LOXHD1: variants seen among roughly 807,000 people sequenced by gnomAD.
LOXHD1 encodes the protein lipoxygenase homology PLAT domains 1.
A neutral mutation model predicts 248.2 loss-of-function variants in LOXHD1; 205 were observed. The observed-to-expected ratio is 0.83, with a 90% CI of 0.74 to 0.93. The LOEUF is 0.93. LOXHD1 is among the 40% of genes least tolerant of loss of function. The pLI, the probability that LOXHD1 is intolerant of heterozygous loss-of-function variation, is 0.00. For synonymous variants in LOXHD1, 1,113 were observed against 1,162.8 expected (o/e 0.96, Z 0.87); for missense variants, 2,930 against 2,971.6 (o/e 0.99, Z 0.33).
Position 46,485,102 on chromosome 18 carries a change from G to C in LOXHD1, c.6099C>G (p.Asn2033Lys). Residue 2033 changes from asparagine to lysine, a missense_variant, in exon 39 of 41, where the codon AAC becomes AAG. By Grantham distance (94) the Asn-to-Lys change is moderately conservative (BLOSUM62 0). Transcript: ENST00000642948. ...TCCTGCCCTCCAGGATGAGCCAGAC[G>C]TTCTCCCTGGTTTCGCCTCCGTTGC... ...ETGNGGETRE[N>K]VWLILEGRKN... 6.5e-7 allele frequency: 1 copy of C among 1,549,772 alleles called. No homozygotes were observed. The highest frequency in any genetic ancestry group is 8.7e-7 in the Non-Finnish European group (1 of 1,146,572).
chr18:46,585,134 A>G lies in LOXHD1; in HGVS notation c.1655-5350T>C, dbSNP rs140404037. On this transcript the variant is annotated intron_variant, in intron 12 of 40. Transcript: ENST00000642948. The stretch of plus-strand genomic sequence containing the variant: ...CATAGTTAATCATGAAAGACTGGAC[A>G]GGACACTTTCCCCTTAAGATCAGAA... Among the ~76,000 whole-genome samples the G allele has an allele frequency of 2.6e-3, 397 of 152,324 alleles. 4 individuals are homozygous for G. Among genetic ancestry groups the G allele is most frequent in the African/African-American group, 8.8e-3 (366 of 41,592 alleles).
chr18:46,507,650 G>A lies in LOXHD1; in HGVS notation c.5580C>T (p.Ser1860=), dbSNP rs2034662560. The A allele has an allele frequency of 6.4e-7, 1 of 1,551,586 alleles. No individual in the cohort carries two copies. Among genetic ancestry groups the A allele is most frequent in the African/African-American group, 1.4e-5 (1 of 73,044 alleles). Residue 1860 remains serine (S), a synonymous_variant, in exon 36 of 41, where the codon TCC becomes TCT. Coordinates refer to ENST00000642948, the MANE Select transcript of LOXHD1 (RefSeq NM_001384474.1). The part of the protein sequence containing the change: ...LTMFYYGDWL[S]QRKGKKTLVC... ...CCAGGGTCTTCTTGCCCTTCCGCTG[G>A]GACAGCCAGTCTCCATAGTAGAACA...
rs142499426 is a variant in LOXHD1 at position 46,518,561 on chromosome 18, C to T, written c.5272-305G>A. 3.3e-5 allele frequency among the ~76,000 whole-genome samples: 5 copies of T among 152,346 alleles called. No homozygotes were observed. The East Asian group carries it at 9.6e-4, about 29-fold the overall frequency. On this transcript the variant is annotated intron_variant, in intron 33 of 40. Transcript: ENST00000642948. ...GAATTCCAACCTAAGTCCAGGCATG[C>T]CAGCAGCGCATGGTGGCAGGACAGT...
intron 19 of LOXHD1, 35 bp downstream of exon 19, chr18:46,560,048 T>TCCCGGGCC: frequency 2.4e-6 from 3 of 1,226,298 alleles, no homozygotes; most frequent in Non-Finnish European, 3.4e-6. Flanking sequence ...GTCTGGCCAC[T>TCCCGGGCC]CCCTCCCCAC....
At chr18:46,560,002 GC>G (rs1332596609) in intron 19 of LOXHD1, 80 bp downstream of exon 19, 4 of 1,449,010 alleles carry the variant, frequency 2.8e-6, no homozygotes, top group Non-Finnish European at 3.7e-6. Flanking sequence ...GGGGATCTAG[GC>G]CCCCTGCCCC....
At chr18:46,641,898 A>C in intron 3 of LOXHD1, 58 bp downstream of exon 3, 1 of 1,470,966 alleles carries the variant, frequency 6.8e-7, no homozygotes, top group East Asian at 2.5e-5. Context: ...GTCAATATTG[A>C]AGTCAATCCC....
intron 6 of LOXHD1, 118 bp from the exon 7 acceptor site, chr18:46,604,347 C>T (rs989389096): frequency 1.7e-5 from 23 of 1,369,076 alleles, no homozygotes; most frequent in Admixed American, 1.3e-4. Context: ...ATATCTGTTT[C>T]GTGGCCCAAG....
chr18:46,496,623 G>T (rs1023717966), intron 37 of LOXHD1, among the ~76,000 whole-genome samples: 4 of 152,202 alleles, frequency 2.6e-5, no homozygotes, highest in Non-Finnish European at 5.9e-5. Flanking sequence ...GGAGGAGAAA[G>T]TTACCATTAA....
chr18:46,537,653 C>T (rs1278037254), intron 26 of LOXHD1, among the ~76,000 whole-genome samples: 1 of 152,206 alleles, frequency 6.6e-6, no homozygotes. Flanking sequence ...AACAACAGCA[C>T]CTCCATTGTC....
In LOXHD1 at chr18:46,521,153, T is replaced by C; in HGVS notation, c.5215A>G (p.Ile1739Val). Residue 1739 changes from isoleucine to valine, a missense_variant, in exon 33 of 41, where the codon ATC becomes GTC. Transcript: ENST00000642948. ...CWLAKDRGDG[I>V]TSRVFDLLDA... The stretch of plus-strand genomic sequence containing the variant: ...AAGAGGTCGAAGACACGGGAGGTGA[T>C]GCCGTCGCCTCTGTCCTTGGCCAGC... 1.3e-6 allele frequency: 2 copies of C among 1,551,734 alleles called. No individual in the cohort carries two copies. The highest frequency in any genetic ancestry group is 1.7e-6 in the Non-Finnish European group (2 of 1,146,996).
At chr18:46,618,989 C>T (rs2038629561) in intron 4 of LOXHD1, among the ~76,000 whole-genome samples, 1 of 152,140 alleles carries the variant, frequency 6.6e-6, no homozygotes, top group African/African-American at 2.4e-5. Context: ...TCAGCCATGG[C>T]CTTGATGGGA....
intron 8 of LOXHD1, among the ~76,000 whole-genome samples, chr18:46,596,221 TC>T (rs11364411): frequency 0.76 from 115,962 of 151,958 alleles, 45,404 homozygotes; most frequent in Non-Finnish European, 0.86. Flanking sequence ...GACTAGGTAG[TC>T]CAGAACTAGG....
intron 37 of LOXHD1, among the ~76,000 whole-genome samples, chr18:46,491,373 T>C (rs2033461676): frequency 6.6e-6 from 1 of 152,248 alleles, no homozygotes; most frequent in Non-Finnish European, 1.5e-5. Context: ...TGAGCCCTAC[T>C]GCCAGAGTTT....
At chr18:46,634,513 C>A (rs1324135631) in intron 4 of LOXHD1, among the ~76,000 whole-genome samples, 1 of 152,180 alleles carries the variant, frequency 6.6e-6, no homozygotes, top group African/African-American at 2.4e-5. Flanking sequence ...GCTTCCAGCA[C>A]AGTATTTTCA....
At chr18:46,503,012 T>G (rs1202836094) in intron 37 of LOXHD1, among the ~76,000 whole-genome samples, 4 of 152,214 alleles carry the variant, frequency 2.6e-5, no homozygotes, top group Non-Finnish European at 5.9e-5. Flanking sequence ...CTGGTATTTC[T>G]CAGCTCTCTG....
In LOXHD1 at chr18:46,509,707, G is replaced by C; in HGVS notation, c.5508C>G (p.Phe1836Leu). 6.4e-7 allele frequency: 1 copy of C among 1,551,110 alleles called. No homozygotes were observed. The highest frequency in any genetic ancestry group is 1.2e-5 in the South Asian group (1 of 84,056). Residue 1836 changes from phenylalanine to leucine, a missense_variant, in exon 35 of 41, where the codon TTC becomes TTG. Physicochemically the swap from Phe to Leu is conservative, Grantham distance 22 (BLOSUM62 0). Coordinates refer to ENST00000642948, the MANE Select transcript of LOXHD1 (RefSeq NM_001384474.1). ...GGTCTAGACATTTTACCCTCTCCAG[G>C]AACCACTCCGGCCGACTGCCCAGGC... ...IDGLGSRPEW[F>L]LERILLKNMN...
chr18:46,511,203 T>C (rs777537414), intron 34 of LOXHD1, among the ~76,000 whole-genome samples: 16 of 152,310 alleles, frequency 1.1e-4, no homozygotes, highest in Admixed American at 3.3e-4. Context: ...TTAACCTGGA[T>C]GGACTTCCTC....
chr18:46,655,636 C>A (rs9954042), intron 1 of LOXHD1, among the ~76,000 whole-genome samples: 8 of 152,134 alleles, frequency 5.3e-5, no homozygotes, highest in Non-Finnish European at 1.2e-4. Context: ...TACAGCCCCC[C>A]CTTCTACCCT....
intron 8 of LOXHD1, among the ~76,000 whole-genome samples, chr18:46,599,680 T>G (rs536911386): frequency 4.5e-4 from 69 of 152,088 alleles, no homozygotes; most frequent in Non-Finnish European, 9.0e-4. Context: ...AACAAAGAAT[T>G]AATATCCAGA....
Sources: allele counts gnomAD v4.1 joint callset (sites outside exome capture counted in the v4.1 genomes callset), GRCh38; gene constraint gnomAD v4.1.1; transcripts MANE v1.5; gene names NCBI Gene and HGNC (gene_info 2026-07-23, HGNC 2026-07-21).